The following XDH variants were observed in gnomAD, a reference collection of about 807,000 sequenced individuals.
XDH encodes the protein xanthine dehydrogenase/oxidase.
In XDH, 138 loss-of-function variants were observed where a neutral mutation model predicts 156.1. The ratio of observed to expected loss-of-function variants is 0.88; its 90% CI spans 0.77 to 1.02. The LOEUF (loss-of-function observed/expected upper bound fraction) is 1.02, where lower values mean the gene tolerates loss of function less well. Ranked by LOEUF, XDH falls within the 50% of genes least tolerant of loss-of-function variation. The probability of loss-of-function intolerance (pLI) is 0.00; values close to 1 mark genes in which losing one functional copy is unlikely to be tolerated. For synonymous variants in XDH, 669 were observed against 625.7 expected (o/e 1.07, Z -1.03); for missense variants, 1,849 against 1,684.9 (o/e 1.10, Z -1.71).
At chr2:31,351,110 C>T (rs763501896) in intron 24 of XDH, among the ~76,000 whole-genome samples, 7 of 152,168 alleles carry the variant, frequency 4.6e-5, no homozygotes, top group Non-Finnish European at 1.0e-4. Context: ...AGCCCCCTCC[C>T]TCCAGCCCTC....
intron 4 of XDH, among the ~76,000 whole-genome samples, chr2:31,398,923 C>T (rs1013538083): frequency 6.6e-6 from 1 of 152,180 alleles, no homozygotes; most frequent in African/African-American, 2.4e-5. Context: ...TTGTAGTTAC[C>T]TCTAGAGCTG....
intron 27 of XDH, among the ~76,000 whole-genome samples, chr2:31,348,629 AAC>A (rs1685367373): frequency 6.6e-6 from 1 of 152,236 alleles, no homozygotes; most frequent in Admixed American, 6.5e-5. Flanking sequence ...TAAGTGAAGA[AAC>A]AGAACAAGAA....
At chr2:31,344,181 T>G (rs207450) in intron 31 of XDH, among the ~76,000 whole-genome samples, 147,023 of 152,224 alleles carry the variant, frequency 0.97, 71,019 homozygotes, top group East Asian at 1. Context: ...TATTAATAAG[T>G]TTCCACTGTA....
At chr2:31,341,424 T>G in intron 32 of XDH, 30 bp from the exon 33 acceptor site, 1 of 1,555,782 alleles carries the variant, frequency 6.4e-7, no homozygotes, top group Non-Finnish European at 8.7e-7. Context: ...TACAAGAAGT[T>G]AGAGGAGGAA....
intron 35 of XDH, 30 bp downstream of exon 35, chr2:31,337,611 G>A (rs1684999517): frequency 6.2e-7 from 1 of 1,613,160 alleles, no homozygotes; most frequent in African/African-American, 1.3e-5. Flanking sequence ...GCCTCCCCTG[G>A]ACTGAGTGGA....
intron 22 of XDH, 147 bp downstream of exon 22, chr2:31,365,829 C>T: frequency 2.9e-6 from 4 of 1,387,162 alleles, no homozygotes; most frequent in Non-Finnish European, 4.0e-6. Flanking sequence ...CCCACTATGC[C>T]CAAGGGTTCT....
At chr2:31,395,523 G>GCTGTGGT (rs1686879278) in intron 6 of XDH, among the ~76,000 whole-genome samples, 1 of 152,184 alleles carries the variant, frequency 6.6e-6, no homozygotes, top group African/African-American at 2.4e-5. Context: ...AGAAACACAA[G>GCTGTGGT]GAGATTTTTC....
chr2:31,349,451 C>T (rs188851510), intron 26 of XDH, among the ~76,000 whole-genome samples: 8 of 152,234 alleles, frequency 5.3e-5, no homozygotes, highest in African/African-American at 1.2e-4. Flanking sequence ...GGTTTACAAA[C>T]GCGTAAAGAT....
At chr2:31,341,997 A>G (rs1685135543) in intron 32 of XDH, among the ~76,000 whole-genome samples, 186 bp downstream of exon 32, 1 of 152,190 alleles carries the variant, frequency 6.6e-6, no homozygotes, top group Non-Finnish European at 1.5e-5. Flanking sequence ...TAGCTGAGGC[A>G]GAGACTGTAT....
rs1264749008 is a variant in XDH at position 31,339,648 on chromosome 2, G to T, written c.3615C>A (p.Gly1205=). The change falls in exon 34 of 36, where the codon GGC becomes GGA. Residue 1205 remains glycine (G), a synonymous_variant. Coordinates refer to ENST00000379416, the MANE Select transcript of XDH (RefSeq NM_000379.4). ...QVEGAFVQGL[G]LFTLEELHYS... ...AGTGTAGCTCCTCTAGGGTGAAGAG[G>T]CCAAGGCCCTGGACAAATGCCCCTT... is the stretch of plus-strand genomic sequence containing the variant. 8 of 1,614,028 alleles carry T rather than the reference G, an allele frequency of 5.0e-6. No homozygotes were observed. Among genetic ancestry groups the T allele is most frequent in the Non-Finnish European group, 6.8e-6 (8 of 1,180,038 alleles).
intron 2 of XDH, among the ~76,000 whole-genome samples, chr2:31,405,379 C>A (rs1163560636): frequency 6.6e-6 from 1 of 151,768 alleles, no homozygotes; most frequent in African/African-American, 2.4e-5. Flanking sequence ...AAGAGCAGCA[C>A]CCCAGTCTTT....
rs138246330 is a variant in XDH, at chr2:31,383,759, G to A, written c.882C>T (p.Pro294=). The change falls in exon 10 of 36, where the codon CCC becomes CCT. Residue 294 remains proline (P), a synonymous_variant. Coordinates refer to ENST00000379416, the MANE Select transcript of XDH (RefSeq NM_000379.4). ...TTGGAGTGAACCTCCTCTTACCGTCGGGTCCATGTTCTACCGAATTCAGCT... is the reference window on the plus strand; with the variant it reads ...TTGGAGTGAACCTCCTCTTACCGTCAGGTCCATGTTCTACCGAATTCAGCT... ...IPELNSVEHG[P]DGISFGAACP... The A allele has an allele frequency of 2.4e-3, 3,807 of 1,613,710 alleles. 7 individuals are homozygous for A. Among genetic ancestry groups the A allele is most frequent in the South Asian group, 2.9e-3 (266 of 90,894 alleles).
chr2:31,379,746 C>A, intron 13 of XDH, 121 bp downstream of exon 13: 2 of 988,852 alleles, frequency 2.0e-6, no homozygotes, highest in South Asian at 2.6e-5. Flanking sequence ...AGAGAAAAAT[C>A]ATCAATGTAA....
chr2:31,349,648 C>A, intron 26 of XDH, 38 bp downstream of exon 26: 2 of 1,613,178 alleles, frequency 1.2e-6, no homozygotes, highest in Non-Finnish European at 1.7e-6. Flanking sequence ...GGATATGAAA[C>A]CCAGAAGAGC....
At chr2:31,411,374 CTATCT>C (rs1468087242) in intron 1 of XDH, among the ~76,000 whole-genome samples, 1 of 151,232 alleles carries the variant, frequency 6.6e-6, no homozygotes, top group East Asian at 1.9e-4. Context: ...GTTCAGAAAT[CTATCT>C]TATACTATAT....
At chr2:31,378,119 G>GAAAGAAAGAAAGAAAGAAAGAAA (rs1558696689) in intron 13 of XDH, among the ~76,000 whole-genome samples, 3 of 36,538 alleles carry the variant, frequency 8.2e-5, no homozygotes, top group African/African-American at 3.3e-4. Flanking sequence ...AGGAAGGAAG[G>GAAAGAAAGAAAGAAAGAAAGAAA]AAGGAAGGAA....
intron 21 of XDH, 83 bp from the exon 22 acceptor site, chr2:31,366,192 A>G (rs1453378788): frequency 1.2e-6 from 2 of 1,605,826 alleles, no homozygotes; most frequent in Non-Finnish European, 1.7e-6. Context: ...TCCAACATGC[A>G]TGGACCTAAT....
At position 31,398,633 on chromosome 2, in the gene XDH, A is replaced by T; in HGVS notation, c.373T>A (p.Tyr125Asn). The T allele has an allele frequency of 6.2e-7, 1 of 1,614,126 alleles. No homozygotes were observed. The highest frequency in any genetic ancestry group is 8.5e-7 in the Non-Finnish European group (1 of 1,179,998). ...FCTPGIVMSMYTLLRNQPEPT... is the reference protein window; with the variant it reads ...FCTPGIVMSMNTLLRNQPEPT... The stretch of plus-strand genomic sequence containing the variant: ...TCGGGCTGATTCCGGAGCAGTGTGT[A>T]CATACTCATGACGATGCCAGGGGTG... Residue 125 changes from tyrosine to asparagine, a missense_variant, in exon 5 of 36, where the codon TAC becomes AAC. Physicochemically the swap from Tyr to Asn is moderately radical, Grantham distance 143. Transcript: ENST00000379416.
At chr2:31,346,594 G>C (rs138204120) in intron 30 of XDH, among the ~76,000 whole-genome samples, 175 bp downstream of exon 30, 87 of 152,240 alleles carry the variant, frequency 5.7e-4, no homozygotes, top group African/African-American at 2.0e-3. Flanking sequence ...TAGAGAAAGG[G>C]ACCCAGCCAG....
Sources: gnomAD v4.1 joint callset for allele counts (sites outside exome capture counted in the v4.1 genomes callset) on GRCh38, gnomAD v4.1.1 for gene constraint, MANE v1.5 for transcripts, NCBI Gene and HGNC (gene_info 2026-07-23, HGNC 2026-07-21) for gene names.